CUBN: variants seen among roughly 807,000 people sequenced by gnomAD.
CUBN encodes 460 kDa receptor.
A neutral mutation model predicts 405.3 loss-of-function variants in CUBN; 282 were observed. The observed-to-expected ratio is 0.70, with a 90% CI of 0.63 to 0.77. CUBN has a LOEUF of 0.77. Among genes scored for constraint, CUBN ranks in the 30% least tolerant of loss-of-function variants. CUBN has a pLI of 0.00. For synonymous variants in CUBN, 1,684 were observed against 1,617.0 expected (o/e 1.04, Z -0.99); for missense variants, 4,514 against 4,475.2 (o/e 1.01, Z -0.25).
At chr10:17,025,475 T>C (rs1007571186) in intron 27 of CUBN, among the ~76,000 whole-genome samples, 1 of 152,236 alleles carries the variant, frequency 6.6e-6, no homozygotes, top group African/African-American at 2.4e-5. Context: ...TCTGGCACCA[T>C]AATGGTACTT....
At chr10:16,897,896 G>C (rs780810) in intron 54 of CUBN, among the ~76,000 whole-genome samples, 117,775 of 152,014 alleles carry the variant, frequency 0.77, 46,008 homozygotes, top group East Asian at 0.96. Context: ...TCAATCCAGA[G>C]AAGGAATGAG....
At chr10:17,116,590 C>G (rs1458304600) in intron 6 of CUBN, among the ~76,000 whole-genome samples, 1 of 152,212 alleles carries the variant, frequency 6.6e-6, no homozygotes, top group Admixed American at 6.5e-5. Flanking sequence ...TGCCATTCTA[C>G]AAAGGAAAAG....
At chr10:16,995,513 C>G (rs1315338434) in intron 28 of CUBN, among the ~76,000 whole-genome samples, 1 of 151,544 alleles carries the variant, frequency 6.6e-6, no homozygotes, top group Non-Finnish European at 1.5e-5. Context: ...TTACTCTTTT[C>G]TTTTGAAACA....
chr10:16,894,643 A>G (rs73592371), intron 54 of CUBN, among the ~76,000 whole-genome samples: 5 of 152,202 alleles, frequency 3.3e-5, no homozygotes, highest in African/African-American at 1.2e-4. Context: ...TCTTCCTCCC[A>G]TTTTATTCTT....
At chr10:16,879,395 A>G (rs963685760) in intron 56 of CUBN, among the ~76,000 whole-genome samples, 11 of 152,234 alleles carry the variant, frequency 7.2e-5, no homozygotes, top group Admixed American at 7.2e-4. Flanking sequence ...GCTAACTTGA[A>G]CATATATCTA....
intron 22 of CUBN, among the ~76,000 whole-genome samples, chr10:17,049,670 T>C (rs555589733): frequency 5.3e-5 from 8 of 152,184 alleles, no homozygotes; most frequent in Non-Finnish European, 8.8e-5. Flanking sequence ...TGTGTTCCAA[T>C]GATATTTACA....
chr10:16,833,612 G>A (rs1471896947), intron 64 of CUBN, among the ~76,000 whole-genome samples: 4 of 152,104 alleles, frequency 2.6e-5, no homozygotes, highest in Non-Finnish European at 4.4e-5. Flanking sequence ...GAGCCAAATC[G>A]GATGAGGGGG....
chr10:17,034,875 C>T (rs1834861806), intron 27 of CUBN, among the ~76,000 whole-genome samples: 1 of 152,126 alleles, frequency 6.6e-6, no homozygotes, highest in South Asian at 2.1e-4. Context: ...TTTATATGCT[C>T]TCTTCATATA....
rs373628561 is a variant in CUBN at position 16,928,123 on chromosome 10, T to A, written c.6271+34A>T. On this transcript the variant is annotated intron_variant, in intron 41 of 66. Transcript: ENST00000377833. ...AGAGAGGAAAAGAGAGGAGATGAGATAACATGGGATTAAAAAATATTTGAA... is the reference window on the plus strand; with the variant it reads ...AGAGAGGAAAAGAGAGGAGATGAGAAAACATGGGATTAAAAAATATTTGAA... 22 of 1,603,302 alleles carry A rather than the reference T, an allele frequency of 1.4e-5. No homozygotes were observed. In the African/African-American group the frequency reaches 2.4e-4, roughly 18 times the overall value.
At chr10:16,986,687 G>A (rs1253994544) in intron 29 of CUBN, among the ~76,000 whole-genome samples, 2 of 152,050 alleles carry the variant, frequency 1.3e-5, no homozygotes, top group African/African-American at 2.4e-5. Flanking sequence ...TATGCAAATG[G>A]CAGAAGCAAG....
chr10:16,839,963 A>T (rs1839291242), intron 62 of CUBN, among the ~76,000 whole-genome samples: 1 of 151,738 alleles, frequency 6.6e-6, no homozygotes, highest in Non-Finnish European at 1.5e-5. Context: ...AACTATCGCA[A>T]GGACAAAAAA....
At chr10:17,128,715 A>G (rs1837255896) in intron 2 of CUBN, among the ~76,000 whole-genome samples, 1 of 152,164 alleles carries the variant, frequency 6.6e-6, no homozygotes, top group Admixed American at 6.5e-5. Flanking sequence ...CTGATGCCCA[A>G]TTATGTTCTC....
At chr10:17,026,595 C>A (rs1161072993) in intron 27 of CUBN, among the ~76,000 whole-genome samples, 1 of 151,188 alleles carries the variant, frequency 6.6e-6, no homozygotes, top group African/African-American at 2.4e-5. Flanking sequence ...GATCGCACCA[C>A]TGCACTCCAG....
intron 31 of CUBN, among the ~76,000 whole-genome samples, chr10:16,968,496 C>A (rs1489756377): frequency 1.3e-5 from 2 of 152,166 alleles, no homozygotes; most frequent in Non-Finnish European, 2.9e-5. Flanking sequence ...GGACCATGGT[C>A]GGCTTGCTTT....
rs181536212 is a variant in CUBN at position 17,104,399 on chromosome 10, A to T, written c.1417+20T>A. 6.2e-7 allele frequency: 1 copy of T among 1,613,216 alleles called. No individual in the cohort carries two copies. Among genetic ancestry groups the T allele is most frequent in the Non-Finnish European group, 8.5e-7 (1 of 1,179,234 alleles). ...CTGCTATGCTGTGAGCATCCGTGGC[A>T]TAAGAAATGCTGACTGTACCTTGCT... On this transcript the variant is annotated intron_variant, in intron 12 of 66. Coordinates refer to ENST00000377833, the MANE Select transcript of CUBN (RefSeq NM_001081.4).
At chr10:17,075,962 A>C (rs1053628542) in intron 17 of CUBN, among the ~76,000 whole-genome samples, 1 of 152,186 alleles carries the variant, frequency 6.6e-6, no homozygotes, top group Non-Finnish European at 1.5e-5. Flanking sequence ...ATACAGACAT[A>C]CTGCAGTTCT....
At chr10:16,919,927 T>C (rs41289301) in intron 44 of CUBN, 36 bp downstream of exon 44, 311 of 1,604,116 alleles carry the variant, frequency 1.9e-4, no homozygotes, top group Non-Finnish European at 2.5e-4. Flanking sequence ...AATACTAACT[T>C]GGGGTAGGAA....
At chr10:16,984,433 AGCTGAGTTTTCAAAG>A (rs1833363721) in intron 29 of CUBN, among the ~76,000 whole-genome samples, 154 bp from the exon 30 acceptor site, 2 of 152,290 alleles carry the variant, frequency 1.3e-5, no homozygotes, top group South Asian at 4.1e-4. Flanking sequence ...TATAAACTTG[AGCTGAGTTTTCAAAG>A]GCACTCCCTG....
intron 22 of CUBN, among the ~76,000 whole-genome samples, chr10:17,053,437 CA>C (rs1469855863): frequency 2.0e-5 from 3 of 151,720 alleles, no homozygotes; most frequent in Admixed American, 2.0e-4. Flanking sequence ...GAAATAATAT[CA>C]AACAAAAGTG....
Sources: gnomAD v4.1 joint callset for allele counts (sites outside exome capture counted in the v4.1 genomes callset) on GRCh38, gnomAD v4.1.1 for gene constraint, MANE v1.5 for transcripts, NCBI Gene and HGNC (gene_info 2026-07-23, HGNC 2026-07-21) for gene names.